SPECC1: variants seen among roughly 807,000 people sequenced by gnomAD.
The protein encoded by SPECC1 is sperm antigen with calponin homology and coiled-coil domains 1.
Under a neutral mutation model 104.1 loss-of-function variants are expected in SPECC1, and 62 were observed. The observed-to-expected ratio is 0.60, with a 90% confidence interval of 0.49 to 0.74. The LOEUF is 0.74. SPECC1 is among the 30% of genes least tolerant of loss of function. The probability of loss-of-function intolerance (pLI) is 0.00; values close to 1 mark genes in which losing one functional copy is unlikely to be tolerated. For missense variants in SPECC1, 1,306 were observed against 1,310.5 expected (o/e 1.00, Z 0.05); for synonymous variants, 513 against 501.6 (o/e 1.02, Z -0.30).
At chr17:20,206,234 G>A (rs889164268) in intron 4 of SPECC1, among the ~76,000 whole-genome samples, 3 of 152,202 alleles carry the variant, frequency 2.0e-5, no homozygotes, top group African/African-American at 7.2e-5. Flanking sequence ...CTGGTGTAAC[G>A]TGGGGGTTGG....
At chr17:20,042,751 C>T (rs1365602290) in intron 1 of SPECC1, among the ~76,000 whole-genome samples, 2 of 152,084 alleles carry the variant, frequency 1.3e-5, no homozygotes, top group Non-Finnish European at 2.9e-5. Flanking sequence ...CAATCTGTGC[C>T]CCTTGGTGTT....
chr17:20,256,416 G>A (rs1394341617), intron 10 of SPECC1, among the ~76,000 whole-genome samples: 3 of 152,130 alleles, frequency 2.0e-5, no homozygotes, highest in Non-Finnish European at 2.9e-5. Context: ...AGAAACCAAA[G>A]ATTAATGTGC....
chr17:20,079,182 T>G (rs1469931026), intron 1 of SPECC1, among the ~76,000 whole-genome samples: 1 of 152,242 alleles, frequency 6.6e-6, no homozygotes, highest in Non-Finnish European at 1.5e-5. Flanking sequence ...CTCCTGTGCC[T>G]GTTTTCAGGC....
chr17:20,170,042 AACACTT>A (rs2033967099), intron 3 of SPECC1, among the ~76,000 whole-genome samples: 2 of 152,224 alleles, frequency 1.3e-5, no homozygotes, highest in Admixed American at 6.5e-5. Context: ...ACAGGACAAA[AACACTT>A]ATAGGGCTGT....
At chr17:20,064,947 A>G (rs558558507) in intron 1 of SPECC1, among the ~76,000 whole-genome samples, 72 of 152,322 alleles carry the variant, frequency 4.7e-4, no homozygotes, top group Middle Eastern at 3.4e-3. Context: ...TTTGGTTATC[A>G]TGGAAGTCAA....
chr17:20,194,502 A>ATTATTATTATTTTTTTTTT, intron 3 of SPECC1, among the ~76,000 whole-genome samples: 1 of 86,566 alleles, frequency 1.2e-5, no homozygotes, highest in African/African-American at 5.3e-5. Flanking sequence ...AAGAGAACGA[A>ATTATTATTATTTTTTTTTT]TTTTTTTTTT....
chr17:20,248,128 C>T (rs1199720406), intron 9 of SPECC1, among the ~76,000 whole-genome samples: 3 of 152,284 alleles, frequency 2.0e-5, no homozygotes, highest in East Asian at 1.9e-4. Context: ...GACCAGAAAA[C>T]GGTGGAACAG....
chr17:20,271,785 T>C (rs2040418851), intron 12 of SPECC1, among the ~76,000 whole-genome samples: 2 of 152,130 alleles, frequency 1.3e-5, no homozygotes, highest in Non-Finnish European at 2.9e-5. Flanking sequence ...CCTTTGTTTT[T>C]TTTTCCCTTC....
intron 12 of SPECC1, among the ~76,000 whole-genome samples, chr17:20,263,878 G>A (rs1185984519): frequency 6.6e-6 from 1 of 151,858 alleles, no homozygotes; most frequent in Non-Finnish European, 1.5e-5. Context: ...TTTCCTGCTG[G>A]AGTGATTTGT....
At chr17:20,035,526 A>AT (rs959964130) in intron 1 of SPECC1, among the ~76,000 whole-genome samples, 1 of 151,672 alleles carries the variant, frequency 6.6e-6, no homozygotes, top group Non-Finnish European at 1.5e-5. Flanking sequence ...TAAGTATTTC[A>AT]TTTTTTTCAG....
At chr17:20,307,501 G>C (rs536192986) in intron 14 of SPECC1, among the ~76,000 whole-genome samples, 1 of 152,168 alleles carries the variant, frequency 6.6e-6, no homozygotes, top group Non-Finnish European at 1.5e-5. Flanking sequence ...AAAGTGAAAG[G>C]CTCCCTGGGT....
intron 4 of SPECC1, among the ~76,000 whole-genome samples, chr17:20,211,386 G>A (rs1215945939): frequency 6.6e-6 from 1 of 152,236 alleles, no homozygotes; most frequent in Non-Finnish European, 1.5e-5. Context: ...CAAGCCATGA[G>A]GATGTGGAAG....
chr17:20,070,530 T>C (rs1255312625), intron 1 of SPECC1, among the ~76,000 whole-genome samples: 1 of 152,194 alleles, frequency 6.6e-6, no homozygotes, highest in Non-Finnish European at 1.5e-5. Flanking sequence ...GATTTTTCTA[T>C]ATCTTATCTA....
At chr17:20,072,805 CT>C (rs2046608829) in intron 1 of SPECC1, among the ~76,000 whole-genome samples, 1 of 152,182 alleles carries the variant, frequency 6.6e-6, no homozygotes, top group Non-Finnish European at 1.5e-5. Context: ...TAAAATGCAG[CT>C]TGTGGCAATG....
chr17:20,204,736 T>C lies in SPECC1; in HGVS notation c.687T>C (p.Leu229=), dbSNP rs775190686. The part of the protein sequence containing the change: ...PGDTEPMIRA[L]EEKNKNFQKE... ...ACACGGAACCTATGATAAGAGCTCT[T>C]GAGGAGAAGAACAAGAACTTTCAGA... The change falls in exon 4 of 15, where the codon CTT becomes CTC. Residue 229 remains leucine (L), a synonymous_variant. Transcript: ENST00000395527. The C allele has an allele frequency of 2.5e-6, 4 of 1,613,930 alleles. No individual in the cohort carries two copies. In the Admixed American group the frequency reaches 5.0e-5, roughly 20 times the overall value.
At chr17:20,036,933 CTGTAAGCTTTTGTAGTCTTT>C (rs2045111368) in intron 1 of SPECC1, among the ~76,000 whole-genome samples, 1 of 152,168 alleles carries the variant, frequency 6.6e-6, no homozygotes, top group South Asian at 2.1e-4. Context: ...TATAGGTTAG[CTGTAAGCTTTTGTAGTCTTT>C]TGTAAGCTTT....
intron 2 of SPECC1, among the ~76,000 whole-genome samples, chr17:20,102,654 G>A (rs1189446317): frequency 6.6e-6 from 1 of 152,092 alleles, no homozygotes; most frequent in Non-Finnish European, 1.5e-5. Flanking sequence ...ACTGAATATT[G>A]TTCTTGGATG....
chr17:20,046,963 CCAGGG>C (rs2045563549), intron 1 of SPECC1, among the ~76,000 whole-genome samples: 1 of 151,952 alleles, frequency 6.6e-6, no homozygotes, highest in African/African-American at 2.4e-5. Context: ...AGAGCAGACT[CCAGGG>C]GACAAGACTG....
intron 2 of SPECC1, among the ~76,000 whole-genome samples, chr17:20,099,262 T>C (rs754821483): frequency 3.9e-5 from 6 of 152,156 alleles, no homozygotes; most frequent in Non-Finnish European, 5.9e-5. Context: ...GATTTTTATG[T>C]TTATTATTAT....
Sources: gnomAD v4.1 joint callset for allele counts (sites outside exome capture counted in the v4.1 genomes callset) on GRCh38, gnomAD v4.1.1 for gene constraint, MANE v1.5 for transcripts, NCBI Gene and HGNC (gene_info 2026-07-23, HGNC 2026-07-21) for gene names.